Variants in PCLO observed in about 807,000 individuals in gnomAD.
The protein encoded by PCLO is piccolo presynaptic cytomatrix protein.
A neutral mutation model predicts 427.5 loss-of-function variants in PCLO; 82 were observed. The ratio of observed to expected loss-of-function variants is 0.19; its 90% CI spans 0.16 to 0.23. The LOEUF is 0.23. PCLO is among the 10% of genes least tolerant of loss of function. The probability of loss-of-function intolerance (pLI) is 1.00; values close to 1 mark genes in which losing one functional copy is unlikely to be tolerated. For missense variants in PCLO, 6,239 were observed against 6,115.9 expected, an observed-to-expected ratio of 1.02 and a Z score of -0.67; for synonymous variants, 2,357 against 2,155.4, an observed-to-expected ratio of 1.09 and a Z score of -2.59.
intron 4 of PCLO, among the ~76,000 whole-genome samples, chr7:82,958,294 C>CTCCTTCCTTCT (rs1337972827): frequency 3.3e-5 from 5 of 150,862 alleles, no homozygotes; most frequent in Non-Finnish European, 7.4e-5. Flanking sequence ...TCCTTCCTTC[C>CTCCTTCCTTCT]TCCTTCCTTC....
Position 83,134,492 on chromosome 7 carries a change from T to C in PCLO, c.3058A>G (p.Arg1020Gly). 1 of 1,613,610 alleles carries C rather than the reference T, an allele frequency of 6.2e-7. No individual in the cohort carries two copies. Among genetic ancestry groups the C allele is most frequent in the Non-Finnish European group, 8.5e-7 (1 of 1,179,808 alleles). ...GGTGGCTTTTTTTCTGTTTCTGTTC[T>C]TTTTACTGTTGGAGCTTGTTCAGCT... Reference protein sequence around the residue: ...PKAEQAPTVKRTETEKKPPPI... With the variant: ...PKAEQAPTVKGTETEKKPPPI... The change falls in exon 3 of 25, where the codon AGA becomes GGA. Residue 1020 changes from arginine (R) to glycine (G), a missense_variant. This residue lies in a region of PCLO where 4,677 missense variants were observed against 4,468.4 expected (regional missense o/e 1.05). Transcript: ENST00000333891.
At chr7:82,835,276 C>A (rs17156737) in intron 16 of PCLO, among the ~76,000 whole-genome samples, 35 of 151,840 alleles carry the variant, frequency 2.3e-4, no homozygotes, top group African/African-American at 6.8e-4. Flanking sequence ...TCCAGAAGAC[C>A]CATTAATTAC....
At chr7:82,901,633 C>T (rs946554182) in intron 9 of PCLO, among the ~76,000 whole-genome samples, 1 of 152,064 alleles carries the variant, frequency 6.6e-6, no homozygotes, top group Non-Finnish European at 1.5e-5. Flanking sequence ...TCAGAGTGAA[C>T]AGGCAACCTA....
At chr7:82,782,666 G>A (rs993623035) in intron 22 of PCLO, among the ~76,000 whole-genome samples, 3 of 152,008 alleles carry the variant, frequency 2.0e-5, no homozygotes, top group East Asian at 1.9e-4. Flanking sequence ...ACTTTTTTAC[G>A]TTAATATAAA....
intron 3 of PCLO, among the ~76,000 whole-genome samples, chr7:82,992,840 TCA>T (rs1309443804): frequency 5.9e-5 from 5 of 84,530 alleles, no homozygotes; most frequent in Non-Finnish European, 1.2e-4. Context: ...TAAAGTACAT[TCA>T]TTCACCAAGG....
chr7:82,763,116 T>G (rs1263953264), intron 22 of PCLO, among the ~76,000 whole-genome samples: 1 of 152,058 alleles, frequency 6.6e-6, no homozygotes, highest in East Asian at 1.9e-4. Context: ...TAGAAAGAAA[T>G]GCACTGAAGG....
At chr7:83,098,299 G>A (rs1206801409) in intron 3 of PCLO, among the ~76,000 whole-genome samples, 1 of 120,092 alleles carries the variant, frequency 8.3e-6, no homozygotes, top group Non-Finnish European at 1.7e-5. Context: ...CAGAGACACA[G>A]TAGGAGGTAC....
At chr7:82,948,328 A>G (rs1795251806) in intron 6 of PCLO, among the ~76,000 whole-genome samples, 1 of 152,040 alleles carries the variant, frequency 6.6e-6, no homozygotes, top group South Asian at 2.1e-4. Flanking sequence ...ATTCTACTAG[A>G]AAACTAGAAA....
chr7:83,041,294 G>A (rs1395111972), intron 3 of PCLO, among the ~76,000 whole-genome samples: 3 of 152,070 alleles, frequency 2.0e-5, no homozygotes. Flanking sequence ...CAGAAAATGA[G>A]CCTGCAGTTT....
At chr7:82,929,880 C>T (rs900745900) in intron 6 of PCLO, among the ~76,000 whole-genome samples, 2 of 152,014 alleles carry the variant, frequency 1.3e-5, no homozygotes, top group Non-Finnish European at 2.9e-5. Flanking sequence ...TCTGTCCATC[C>T]GTCTAATAAA....
intron 22 of PCLO, among the ~76,000 whole-genome samples, chr7:82,766,717 G>A (rs1025937681): frequency 7.2e-5 from 11 of 152,158 alleles, no homozygotes; most frequent in African/African-American, 2.2e-4. Context: ...TCAACACACC[G>A]CATATGTGAA....
At chr7:83,146,277 G>C (rs1473169007) in intron 2 of PCLO, among the ~76,000 whole-genome samples, 1 of 152,180 alleles carries the variant, frequency 6.6e-6, no homozygotes, top group Non-Finnish European at 1.5e-5. Context: ...ACATATGTGA[G>C]AGGCAGAACT....
intron 2 of PCLO, among the ~76,000 whole-genome samples, chr7:83,144,192 G>A (rs543743286): frequency 2.0e-5 from 3 of 152,178 alleles, no homozygotes; most frequent in Admixed American, 6.5e-5. Context: ...GAGGCTAAGC[G>A]GGGCAGATCA....
intron 3 of PCLO, among the ~76,000 whole-genome samples, chr7:83,073,608 T>G (rs1789872203): frequency 6.6e-6 from 1 of 151,994 alleles, no homozygotes. Context: ...TCTATTTATC[T>G]TGTTACTTTG....
intron 3 of PCLO, among the ~76,000 whole-genome samples, chr7:83,074,902 C>T (rs1789912410): frequency 6.6e-6 from 1 of 152,038 alleles, no homozygotes; most frequent in South Asian, 2.1e-4. Context: ...TGAACAATAA[C>T]CAAATATCTA....
At chr7:83,048,593 T>C (rs1789158682) in intron 3 of PCLO, among the ~76,000 whole-genome samples, 1 of 152,132 alleles carries the variant, frequency 6.6e-6, no homozygotes, top group South Asian at 2.1e-4. Flanking sequence ...ATACTGCAGG[T>C]AACTGCAAAT....
chr7:82,955,449 T>C lies in PCLO; in HGVS notation c.5504A>G (p.Asp1835Gly). 2 of 1,613,654 alleles carry C rather than the reference T, an allele frequency of 1.2e-6. No homozygotes were observed. Among genetic ancestry groups the C allele is most frequent in the Non-Finnish European group, 1.7e-6 (2 of 1,179,752 alleles). The change falls in exon 5 of 25, where the codon GAT becomes GGT. Residue 1835 changes from aspartate to glycine, a missense_variant. Coordinates refer to ENST00000333891, the MANE Select transcript of PCLO (RefSeq NM_033026.6). The part of the protein sequence containing the change: ...TPPSNLSPIE[D>G]ASPTEELRQA... ...ACGTAACTCTTCTGTCGGAGATGCA[T>C]CTTCAATGGGAGAGAGATTACTAGG...
In PCLO at chr7:82,951,905, A is replaced by T. The variant is rs1186583786; in HGVS notation, c.9048T>A (p.Ser3016=). 1.9e-6 allele frequency: 3 copies of T among 1,613,834 alleles called. No homozygotes were observed. The highest frequency in any genetic ancestry group is 2.5e-6 in the Non-Finnish European group (3 of 1,179,824). ...GATCTACTGCTGTGTCAGTTCCTTC[A>T]GAATAATCAAAAGCATTCTTACTTT... The part of the protein sequence containing the change: ...FYKSKNAFDY[S]EGTDTAVDLT... Residue 3016 remains serine (S), a synonymous_variant, in exon 5 of 25, where the codon TCT becomes TCA. Transcript: ENST00000333891.
chr7:82,909,103 T>C (rs1362190511), intron 7 of PCLO, 90 bp from the exon 8 acceptor site: 5 of 1,255,060 alleles, frequency 4.0e-6, no homozygotes, highest in Non-Finnish European at 4.5e-6. Flanking sequence ...TAGCATGCAC[T>C]AGGCTTGTTA....
Sources: allele counts gnomAD v4.1 joint callset (sites outside exome capture counted in the v4.1 genomes callset), GRCh38; gene constraint gnomAD v4.1.1; regional missense constraint gnomAD v4.1.1; transcripts MANE v1.5; gene names NCBI Gene and HGNC (gene_info 2026-07-23, HGNC 2026-07-21).